Variants in ZNF589 observed in about 807,000 individuals in gnomAD.
ZNF589 encodes the protein zinc finger protein 589.
ZNF589 carries 17 observed loss-of-function variants against 13.6 expected under a neutral mutation model. The observed-to-expected ratio is 1.25, with a 90% CI of 0.86 to 1.88. The LOEUF is 1.88. ZNF589 is among the 40% of genes most tolerant of loss of function. The pLI is 0.00. For synonymous variants in ZNF589, 148 were observed against 161.6 expected (o/e 0.92, Z 0.64); for missense variants, 407 against 434.0 (o/e 0.94, Z 0.55).
At chr3:48,266,460 T>G (rs547506300) in intron 3 of ZNF589, among the ~76,000 whole-genome samples, 2 of 152,274 alleles carry the variant, frequency 1.3e-5, no homozygotes, top group East Asian at 1.9e-4. Flanking sequence ...CCAGAAGAAA[T>G]GAAGCCCTGG....
intron 2 of ZNF589, among the ~76,000 whole-genome samples, chr3:48,259,434 A>G (rs753174122): frequency 1.3e-5 from 2 of 152,136 alleles, no homozygotes; most frequent in East Asian, 3.8e-4. Flanking sequence ...TTCAGCCCCT[A>G]CTGTCATCTT....
chr3:48,261,395 G>A (rs1479983953), intron 3 of ZNF589, among the ~76,000 whole-genome samples: 4 of 152,146 alleles, frequency 2.6e-5, no homozygotes, highest in Admixed American at 1.3e-4. Flanking sequence ...CCTGGAGGCA[G>A]GAGCATATCT....
intron 2 of ZNF589, among the ~76,000 whole-genome samples, chr3:48,254,877 T>C (rs2033880898): frequency 6.6e-6 from 1 of 152,114 alleles, no homozygotes; most frequent in Non-Finnish European, 1.5e-5. Context: ...TTTATTTCTT[T>C]TTGTAGATTC....
At position 48,260,934 on chromosome 3, in the gene ZNF589, C is replaced by CA; in HGVS notation, c.219dup (p.Leu74IlefsTer28). 5.0e-6 allele frequency: 8 copies of CA among 1,614,090 alleles called. No homozygotes were observed. Among genetic ancestry groups the CA allele is most frequent in the Non-Finnish European group, 6.8e-6 (8 of 1,180,000 alleles). ...CTGGAAAATCTCAGGAATCTGGTCT[C>CA]ATTGGGTAAGGACATGTTCTCTTCC... is the stretch of plus-strand genomic sequence containing the variant. On this transcript the variant is annotated frameshift_variant, in exon 3 of 4. Transcript: ENST00000354698. LOFTEE classifies it low-confidence loss of function (END_TRUNC).
chr3:48,250,384 T>A (rs1363277228), intron 2 of ZNF589, among the ~76,000 whole-genome samples: 1 of 146,526 alleles, frequency 6.8e-6, no homozygotes, highest in Non-Finnish European at 1.5e-5. Flanking sequence ...ACTCCTGGAC[T>A]CAAGCAGTCC....
At position 48,269,084 on chromosome 3, in the gene ZNF589, A is replaced by G. The variant is rs924637325; in HGVS notation, c.*298A>G. 1.7e-5 allele frequency: 11 copies of G among 650,176 alleles called. No homozygotes were observed. The highest frequency in any genetic ancestry group is 1.6e-4 in the African/African-American group (9 of 54,924). The allele number at this position is 650,176 out of a possible 1,614,324, so 40.3% of individuals were successfully genotyped here. A position where few individuals can be genotyped will look rare whatever the true frequency, so the allele number is the denominator to read the frequency against. ...GATAGTCCTCAATGGACACTGGAGG[A>G]CACACACGGGAGAGAAGCCTTACAC... On this transcript the variant is annotated 3_prime_UTR_variant, in exon 4 of 4. Coordinates refer to ENST00000354698, the MANE Select transcript of ZNF589 (RefSeq NM_016089.3).
At position 48,268,092 on chromosome 3, in the gene ZNF589, A is replaced by G. The variant is rs1292665896; in HGVS notation, c.401A>G (p.Asp134Gly). The G allele has an allele frequency of 6.2e-7, 1 of 1,614,206 alleles. No homozygotes were observed. Among genetic ancestry groups the G allele is most frequent in the Non-Finnish European group, 8.5e-7 (1 of 1,180,040 alleles). The change falls in exon 4 of 4, where the codon GAT (aspartate) becomes GGT (glycine). Residue 134 changes from aspartate to glycine, a missense_variant. Transcript: ENST00000354698. ...CAGCCACAGTCACAACATCCTTCTG[A>G]TAAAAATCACAGGGGGGCTGAAGCA... ...EDQPQSQHPS[D>G]KNHRGAEAED...
intron 3 of ZNF589, among the ~76,000 whole-genome samples, chr3:48,262,379 C>T (rs147663312): frequency 9.1e-4 from 138 of 151,920 alleles, no homozygotes; most frequent in African/African-American, 3.2e-3. Context: ...TTAGTAGAAA[C>T]GGGGTTTCAC....
intron 3 of ZNF589, among the ~76,000 whole-genome samples, chr3:48,267,663 G>A (rs1274823423): frequency 6.6e-6 from 1 of 152,182 alleles, no homozygotes; most frequent in Admixed American, 6.5e-5. Flanking sequence ...CCAAAGTGCT[G>A]GGATTACAGG....
At chr3:48,244,280 G>A (rs1301167590) in intron 1 of ZNF589, among the ~76,000 whole-genome samples, 1 of 152,092 alleles carries the variant, frequency 6.6e-6, no homozygotes, top group African/African-American at 2.4e-5. Flanking sequence ...GTAGCCACTG[G>A]GAGTGGCCAA....
intron 2 of ZNF589, among the ~76,000 whole-genome samples, chr3:48,260,473 A>ATCT: frequency 6.6e-6 from 1 of 152,170 alleles, no homozygotes; most frequent in East Asian, 1.9e-4. Flanking sequence ...CAATGGAGTG[A>ATCT]TCTTGGTTTA....
chr3:48,255,271 G>A (rs1459052941), intron 2 of ZNF589, among the ~76,000 whole-genome samples: 2 of 151,478 alleles, frequency 1.3e-5, no homozygotes, highest in Non-Finnish European at 2.9e-5. Context: ...TGCCTCTTGG[G>A]TTCAAGTGAT....
intron 1 of ZNF589, 120 bp from the exon 2 acceptor site, chr3:48,247,505 A>T: frequency 2.1e-6 from 2 of 970,426 alleles, no homozygotes; most frequent in Non-Finnish European, 3.1e-6. Context: ...AGAGGAGCTC[A>T]GGGTCTGGGT....
At chr3:48,252,617 CTTTTTT>C (rs71625863) in intron 2 of ZNF589, among the ~76,000 whole-genome samples, 1 of 97,286 alleles carries the variant, frequency 1.0e-5, no homozygotes, top group African/African-American at 3.7e-5. Context: ...AGAATAATAT[CTTTTTT>C]TTTTTTTTTT....
intron 2 of ZNF589, among the ~76,000 whole-genome samples, chr3:48,250,889 A>G (rs1487780240): frequency 1.3e-5 from 2 of 151,322 alleles, no homozygotes; most frequent in Non-Finnish European, 2.9e-5. Context: ...TGTTTGTTAA[A>G]ACTATAAAAT....
At chr3:48,256,961 C>G (rs1384005822) in intron 2 of ZNF589, 6 of 632,198 alleles carry the variant, frequency 9.5e-6, no homozygotes, top group Non-Finnish European at 1.8e-5. Flanking sequence ...ACCCTGACCT[C>G]CACAATGATT....
intron 2 of ZNF589, among the ~76,000 whole-genome samples, chr3:48,249,790 TTG>T (rs1172106820): frequency 6.6e-6 from 1 of 152,246 alleles, no homozygotes; most frequent in Non-Finnish European, 1.5e-5. Flanking sequence ...TATCGTTTCT[TTG>T]TGATGAGAAC....
chr3:48,249,095 A>G (rs1384977429), intron 2 of ZNF589, among the ~76,000 whole-genome samples: 1 of 143,004 alleles, frequency 7.0e-6, no homozygotes, highest in South Asian at 2.2e-4. Context: ...CTCTGCCCCA[A>G]CCTTTTTTTT....
At chr3:48,254,062 C>G (rs888193486) in intron 2 of ZNF589, among the ~76,000 whole-genome samples, 1 of 151,998 alleles carries the variant, frequency 6.6e-6, no homozygotes, top group African/African-American at 2.4e-5. Flanking sequence ...TGTACTCCAG[C>G]CTGGGTGACA....
Sources: gnomAD v4.1 joint callset for allele counts (sites outside exome capture counted in the v4.1 genomes callset) on GRCh38, gnomAD v4.1.1 for gene constraint, MANE v1.5 for transcripts, NCBI Gene and HGNC (gene_info 2026-07-23, HGNC 2026-07-21) for gene names.